Variants in STARD4 observed in about 807,000 individuals in gnomAD.
STARD4 encodes the protein stAR-related lipid transfer protein 4.
STARD4 carries 33 observed loss-of-function variants against 24.9 expected under a neutral mutation model. That is an observed-to-expected ratio of 1.32 (90% confidence interval 1.00 to 1.77). The LOEUF (loss-of-function observed/expected upper bound fraction) is 1.77. Among genes scored for constraint, STARD4 ranks in the 40% most tolerant of loss-of-function variants. The pLI is 0.00. For synonymous variants in STARD4, 88 were observed against 77.4 expected (o/e 1.14, Z -0.72); for missense variants, 238 against 249.3 (o/e 0.95, Z 0.31).
At chr5:111,503,348 G>A (rs927636502) in intron 3 of STARD4, among the ~76,000 whole-genome samples, 2 of 152,102 alleles carry the variant, frequency 1.3e-5, no homozygotes, top group African/African-American at 4.8e-5. Context: ...CATGTAAAAT[G>A]GGCCAGGCGC....
Position 111,506,356 on chromosome 5 carries a change from T to C in STARD4, c.129A>G (p.Lys43=), listed in dbSNP as rs1299175625. ...KKTKDVTVWR[K]PSEEFNGYLY... is the part of the protein sequence containing the mutation. ...GATATCCATTAAATTCTTCTGAGGG[T>C]TTTCTCCAAACAGTTACATCTTTCT... The change falls in exon 3 of 6, where the codon AAA becomes AAG. Residue 43 remains lysine, a synonymous_variant. Transcript: ENST00000296632. The C allele has an allele frequency of 3.3e-6, 5 of 1,506,238 alleles. No individual in the cohort carries two copies. Among genetic ancestry groups the C allele is most frequent in the Non-Finnish European group, 4.6e-6 (5 of 1,095,026 alleles). 93.3% of individuals were successfully genotyped at this position (1,506,238 alleles called of 1,614,324 possible). A position where few individuals can be genotyped will look rare whatever the true frequency, so the allele number is the denominator to read the frequency against.
In STARD4 at chr5:111,498,430, C is replaced by T. The variant is rs1017394514; in HGVS notation, c.*1456G>A. 6.6e-6 allele frequency: 1 copy of T among 151,438 alleles called. No individual in the cohort carries two copies. The highest frequency in any genetic ancestry group is 1.5e-5 in the Non-Finnish European group (1 of 67,852). 9.4% of individuals were successfully genotyped at this position (151,438 alleles called of 1,614,324 possible). On this transcript the variant is annotated 3_prime_UTR_variant, in exon 6 of 6. Coordinates refer to ENST00000296632, the MANE Select transcript of STARD4 (RefSeq NM_139164.3). ...TCACAAATCCCTTACTCAAGTTAGG[C>T]ACCTTTGGAATTTCACCATCCTAGA...
In STARD4 at chr5:111,507,330, G is replaced by A. The variant is rs141662799; in HGVS notation, c.104C>T (p.Thr35Met). The A allele has an allele frequency of 9.3e-5, 149 of 1,609,946 alleles. 2 individuals carry two copies. The highest frequency in any genetic ancestry group is 3.3e-4 in the Middle Eastern group (2 of 6,072). ...ATATAAGTAATTGAACTAATTTACC[G>A]TTTTCTTAGCAACTCGCCACTTATC... ...EEDKWRVAKK[T>M]KDVTVWRKPS... The change falls in exon 2 of 6, where the codon ACG becomes ATG. Residue 35 changes from threonine (T) to methionine (M), a missense_variant and splice_region_variant. Thr to Met is a moderately conservative substitution (Grantham distance 81). Transcript: ENST00000296632. The surrounding 1 kb of genome is among the most constrained non-coding windows in gnomAD (Gnocchi z 4.4).
intron 1 of STARD4, among the ~76,000 whole-genome samples, chr5:111,509,772 G>A (rs1757114362): frequency 1.3e-5 from 2 of 152,112 alleles, no homozygotes; most frequent in South Asian, 4.1e-4. Flanking sequence ...ACTTATGGAA[G>A]ACCTCAAGAT....
chr5:111,497,875 A>G lies in STARD4; in HGVS notation c.*2011T>C, dbSNP rs1306680473. 1 of 152,044 alleles carries G rather than the reference A, an allele frequency of 6.6e-6. No individual in the cohort carries two copies. The allele number at this position is 152,044 out of a possible 1,614,324, so 9.4% of individuals were successfully genotyped here. ...CACTCTTAAAAATGAAACCAAACATAACCTGCTGTAATTATCCTGGCAACA... is the reference window on the plus strand; with the variant it reads ...CACTCTTAAAAATGAAACCAAACATGACCTGCTGTAATTATCCTGGCAACA... On this transcript the variant is annotated 3_prime_UTR_variant, in exon 6 of 6. Coordinates refer to ENST00000296632, the MANE Select transcript of STARD4 (RefSeq NM_139164.3).
At chr5:111,506,057 A>G (rs1756829667) in intron 3 of STARD4, among the ~76,000 whole-genome samples, 1 of 151,966 alleles carries the variant, frequency 6.6e-6, no homozygotes, top group South Asian at 2.1e-4. Flanking sequence ...AGCCAGGCAC[A>G]GTGGCAGGTG....
rs546017248 is a variant in STARD4 at position 111,497,752 on chromosome 5, C to T, written c.*2134G>A. ...CTCAATTATTTATGTTAATATCCAT[C>T]CCAACCCACATCATTAAGCTTTTTT... On this transcript the variant is annotated 3_prime_UTR_variant, in exon 6 of 6. Coordinates refer to ENST00000296632, the MANE Select transcript of STARD4 (RefSeq NM_139164.3). 1.3e-5 allele frequency: 2 copies of T among 152,116 alleles called. No individual in the cohort carries two copies. The highest frequency in any genetic ancestry group is 2.1e-4 in the South Asian group (1 of 4,824). 9.4% of individuals were successfully genotyped at this position (152,116 alleles called of 1,614,324 possible). A position where few individuals can be genotyped will look rare whatever the true frequency, so the allele number is the denominator to read the frequency against.
rs13355101 is a variant in STARD4 at position 111,512,492 on chromosome 5, G to A, written c.-117C>T. ...AGCCTCCCGGCCCGCCGATGCGCAG[G>A]CGACAGCAGCCAACTTGTAAGTCAC... On this transcript the variant is annotated 5_prime_UTR_variant, in exon 1 of 6. Coordinates refer to ENST00000296632, the MANE Select transcript of STARD4 (RefSeq NM_139164.3). The A allele has an allele frequency of 0.14, 20,673 of 152,568 alleles. 1,433 individuals are homozygous for A. Among genetic ancestry groups the A allele is most frequent in the African/African-American group, 0.15 (6,181 of 41,554 alleles). The allele number at this position is 152,568 out of a possible 1,614,324, so 9.5% of individuals were successfully genotyped here. A position where few individuals can be genotyped will look rare whatever the true frequency, so the allele number is the denominator to read the frequency against.
rs1756166024 is a variant in STARD4, at chr5:111,497,579, A to T, written c.*2307T>A. The T allele has an allele frequency of 6.6e-6, 1 of 152,096 alleles. No individual in the cohort carries two copies. The highest frequency in any genetic ancestry group is 2.4e-5 in the African/African-American group (1 of 41,462). The allele number at this position is 152,096 out of a possible 1,614,324, so 9.4% of individuals were successfully genotyped here. On this transcript the variant is annotated 3_prime_UTR_variant, in exon 6 of 6. Transcript: ENST00000296632. ...ACATCAATTACATGTTAAAATGATA[A>T]CATTTTGGATGTATTGAGTTAAATA...
At position 111,512,510 on chromosome 5, in the gene STARD4, T is replaced by A. The variant is rs900523577; in HGVS notation, c.-135A>T. Reference sequence around the variant, plus strand: ...TGCGCAGGCGACAGCAGCCAACTTGTAAGTCACCGCTGGTCGCAGCCAACT... The same window carrying A: ...TGCGCAGGCGACAGCAGCCAACTTGAAAGTCACCGCTGGTCGCAGCCAACT... On this transcript the variant is annotated 5_prime_UTR_variant, in exon 1 of 6. Transcript: ENST00000296632. 1 of 152,662 alleles carries A rather than the reference T, an allele frequency of 6.6e-6. No individual in the cohort carries two copies. Among genetic ancestry groups the A allele is most frequent in the African/African-American group, 2.4e-5 (1 of 41,462 alleles). 9.5% of individuals were successfully genotyped at this position (152,662 alleles called of 1,614,324 possible).
chr5:111,506,369 G>A lies in STARD4; in HGVS notation c.116C>T (p.Thr39Ile), dbSNP rs1346797751. ...WRVAKKTKDV[T>I]VWRKPSEEFN... The stretch of plus-strand genomic sequence containing the variant: ...TTCTTCTGAGGGTTTTCTCCAAACA[G>A]TTACATCTTTCTAGAAAAATAAAAA... The change falls in exon 3 of 6, where the codon ACT becomes ATT. Residue 39 changes from threonine (T) to isoleucine (I), a missense_variant. Transcript: ENST00000296632. 6.7e-7 allele frequency: 1 copy of A among 1,490,982 alleles called. No individual in the cohort carries two copies. Among genetic ancestry groups the A allele is most frequent in the South Asian group, 1.2e-5 (1 of 83,568 alleles). The allele number at this position is 1,490,982 out of a possible 1,614,324, so 92.4% of individuals were successfully genotyped here.
chr5:111,501,025 T>G lies in STARD4; in HGVS notation c.374A>C (p.Tyr125Ser), dbSNP rs761260816. 3 of 1,613,910 alleles carry G rather than the reference T, an allele frequency of 1.9e-6. No homozygotes were observed. The Admixed American group carries it at 5.0e-5, about 27-fold the overall frequency. Reference protein sequence around the residue: ...EFVDFSYTVGYKEGLLSCGIS... With the variant: ...EFVDFSYTVGSKEGLLSCGIS... ...ACCACAAGATAAAAGCCCTTCTTTA[T>G]AGCCCACAGTATAGGAGAAATCAAC... Residue 125 changes from tyrosine to serine, a missense_variant, in exon 5 of 6, where the codon TAT (tyrosine) becomes TCT (serine). Coordinates refer to ENST00000296632, the MANE Select transcript of STARD4 (RefSeq NM_139164.3).
At chr5:111,505,049 A>T (rs1330534157) in intron 3 of STARD4, 1 of 455,230 alleles carries the variant, frequency 2.2e-6, no homozygotes, top group African/African-American at 2.0e-5. Flanking sequence ...AGACTCTGAA[A>T]AAAAAAAAAC....
chr5:111,507,227 A>G lies in STARD4; in HGVS notation c.105+102T>C. On this transcript the variant is annotated intron_variant, in intron 2 of 5. Coordinates refer to ENST00000296632, the MANE Select transcript of STARD4 (RefSeq NM_139164.3). This position sits in a 1 kb window ranked among gnomAD's most constrained non-coding sequence, Gnocchi z 4.4. Reference sequence around the variant, plus strand: ...TTATTTTTCTTGCATATCCATCCAAAGTATGGTCTTTGTCCATATTGTTCC... The same window carrying G: ...TTATTTTTCTTGCATATCCATCCAAGGTATGGTCTTTGTCCATATTGTTCC... 1 of 933,906 alleles carries G rather than the reference A, an allele frequency of 1.1e-6. No homozygotes were observed. The highest frequency in any genetic ancestry group is 1.6e-6 in the Non-Finnish European group (1 of 619,996). The allele number at this position is 933,906 out of a possible 1,614,324, so 57.9% of individuals were successfully genotyped here. A position where few individuals can be genotyped will look rare whatever the true frequency, so the allele number is the denominator to read the frequency against.
chr5:111,499,046 A>T lies in STARD4; in HGVS notation c.*840T>A, dbSNP rs770857900. 2 of 152,220 alleles carry T rather than the reference A, an allele frequency of 1.3e-5. No homozygotes were observed. The highest frequency in any genetic ancestry group is 6.5e-5 in the Admixed American group (1 of 15,272). The allele number at this position is 152,220 out of a possible 1,614,324, so 9.4% of individuals were successfully genotyped here. ...ACAGTAGACACAGGAATACTAACAC[A>T]TAAACAACTAACATTAAACACGGAA... On this transcript the variant is annotated 3_prime_UTR_variant, in exon 6 of 6. Transcript: ENST00000296632.
In STARD4 at chr5:111,496,099, GATACTA is replaced by G. The variant is rs1756075235; in HGVS notation, c.*3781_*3786del. 1 of 151,570 alleles carries G rather than the reference GATACTA, an allele frequency of 6.6e-6. No homozygotes were observed. Among genetic ancestry groups the G allele is most frequent in the Non-Finnish European group, 1.5e-5 (1 of 67,842 alleles). 9.4% of individuals were successfully genotyped at this position (151,570 alleles called of 1,614,324 possible). A position where few individuals can be genotyped will look rare whatever the true frequency, so the allele number is the denominator to read the frequency against. On this transcript the variant is annotated 3_prime_UTR_variant, in exon 6 of 6. Coordinates refer to ENST00000296632, the MANE Select transcript of STARD4 (RefSeq NM_139164.3). ...TTTAAAAATAAATACATATTTTATT[GATACTA>G]ATACATATTATTAGTTTAATAAATA...
At chr5:111,500,462 T>C (rs1344338905) in intron 5 of STARD4, 9 of 1,052,610 alleles carry the variant, frequency 8.6e-6, no homozygotes, top group Non-Finnish European at 9.1e-6. Flanking sequence ...TATTATAGTT[T>C]GGTACTGGCT....
At chr5:111,508,956 A>C (rs1467233527) in intron 1 of STARD4, among the ~76,000 whole-genome samples, 1 of 152,176 alleles carries the variant, frequency 6.6e-6, no homozygotes, top group African/African-American at 2.4e-5. Context: ...GAAAGTATAC[A>C]AAGAAAATTC....
intron 1 of STARD4, among the ~76,000 whole-genome samples, chr5:111,511,436 A>C (rs543199482): frequency 2.0e-5 from 3 of 152,316 alleles, no homozygotes; most frequent in African/African-American, 7.2e-5. Flanking sequence ...TCCTTGAGAA[A>C]ATGTGTTTCA....
Sources: allele counts gnomAD v4.1 joint callset (sites outside exome capture counted in the v4.1 genomes callset), GRCh38; gene constraint gnomAD v4.1.1; non-coding constraint Gnocchi (gnomAD v3.1); transcripts MANE v1.5; gene names NCBI Gene and HGNC (gene_info 2026-07-23, HGNC 2026-07-21).